Variants in KDM4B observed in about 807,000 individuals in gnomAD.
The protein encoded by KDM4B is lysine demethylase 4B, also known as lysine-specific demethylase 4B.
In KDM4B, 32 loss-of-function variants were observed where a neutral mutation model predicts 125.2. The observed-to-expected ratio is 0.26, with a 90% CI of 0.19 to 0.34. The LOEUF is 0.34. Ranked by LOEUF, KDM4B falls within the 10% of genes least tolerant of loss-of-function variation. The pLI is 1.00. For missense variants in KDM4B, 1,190 were observed against 1,577.7 expected, an observed-to-expected ratio of 0.75 and a Z score of 4.16; for synonymous variants, 721 against 677.9, an observed-to-expected ratio of 1.06 and a Z score of -0.99.
chr19:5,031,346 A>ACACACACT (rs2036449226), intron 2 of KDM4B, among the ~76,000 whole-genome samples: 1 of 152,218 alleles, frequency 6.6e-6, no homozygotes, highest in South Asian at 2.1e-4. Context: ...CCTTGCCTTG[A>ACACACACT]CACACACTGT....
At position 5,039,925 on chromosome 19, in the gene KDM4B, G is replaced by A. The variant is rs372914632; in HGVS notation, c.231G>A (p.Thr77=). 70 of 1,612,894 alleles carry A rather than the reference G, an allele frequency of 4.3e-5. No individual in the cohort carries two copies. The highest frequency in any genetic ancestry group is 3.6e-4 in the South Asian group (33 of 91,092). Residue 77 remains threonine, a synonymous_variant, in exon 4 of 23, where the codon ACG becomes ACA. Coordinates refer to ENST00000159111, the MANE Select transcript of KDM4B (RefSeq NM_015015.3). The part of the protein sequence containing the change: ...VIPAPIQQVV[T]GQSGLFTQYN... ...CGGCGCCCATCCAGCAGGTGGTGAC[G>A]GGCCAGTCGGGCCTCTTCACGCAGT...
At chr19:5,086,195 C>T (rs1275070462) in intron 9 of KDM4B, among the ~76,000 whole-genome samples, 1 of 151,918 alleles carries the variant, frequency 6.6e-6, no homozygotes, top group Non-Finnish European at 1.5e-5. Flanking sequence ...GACCCCTGCC[C>T]CCCCCCACCC....
chr19:5,042,633 G>A (rs1274509474), intron 5 of KDM4B, among the ~76,000 whole-genome samples: 2 of 151,846 alleles, frequency 1.3e-5, no homozygotes, highest in Non-Finnish European at 2.9e-5. Context: ...TAGAGTCGTG[G>A]CAAAGGTGAA....
intron 1 of KDM4B, among the ~76,000 whole-genome samples, chr19:4,993,537 A>T (rs942916721): frequency 3.3e-5 from 5 of 151,416 alleles, no homozygotes; most frequent in Non-Finnish European, 5.9e-5. Context: ...ATATATGTTT[A>T]TAATTGCTGT....
At chr19:5,055,093 A>G (rs1403021867) in intron 6 of KDM4B, among the ~76,000 whole-genome samples, 1 of 152,252 alleles carries the variant, frequency 6.6e-6, no homozygotes, top group Non-Finnish European at 1.5e-5. Flanking sequence ...GGCTGGCCTG[A>G]TCAGCCTCCT....
chr19:4,978,698 C>T (rs1282968179), intron 1 of KDM4B, among the ~76,000 whole-genome samples: 1 of 152,116 alleles, frequency 6.6e-6, no homozygotes. Context: ...TTCATCAAAA[C>T]AGCTCCTGTG....
rs766424597 is a variant in KDM4B at position 5,047,613 on chromosome 19, C to T, written c.570C>T (p.Thr190=). The T allele has an allele frequency of 8.1e-6, 13 of 1,613,898 alleles. No homozygotes were observed. The highest frequency in any genetic ancestry group is 4.0e-5 in the African/African-American group (3 of 74,928). The part of the protein sequence containing the change: ...GMWKTTFAWH[T]EDMDLYSINY... Reference sequence around the variant, plus strand: ...GGAAGACCACCTTCGCCTGGCACACCGAGGACATGGACCTGTACAGCATCA... The same window carrying T: ...GGAAGACCACCTTCGCCTGGCACACTGAGGACATGGACCTGTACAGCATCA... The change falls in exon 6 of 23, where the codon ACC becomes ACT. Residue 190 remains threonine (T), a synonymous_variant. Coordinates refer to ENST00000159111, the MANE Select transcript of KDM4B (RefSeq NM_015015.3).
chr19:5,038,105 C>T (rs1279711005), intron 3 of KDM4B, among the ~76,000 whole-genome samples: 1 of 152,252 alleles, frequency 6.6e-6, no homozygotes, highest in Non-Finnish European at 1.5e-5. Flanking sequence ...TTGCCAGATT[C>T]CTGGCAGATG....
chr19:5,150,706 G>A (rs1025911173), intron 22 of KDM4B, among the ~76,000 whole-genome samples: 8 of 152,208 alleles, frequency 5.3e-5, no homozygotes, highest in Non-Finnish European at 7.4e-5. Context: ...GAGAAGCCCC[G>A]CCCCTCCCCT....
At chr19:4,988,582 C>T (rs197145) in intron 1 of KDM4B, among the ~76,000 whole-genome samples, 44,648 of 152,036 alleles carry the variant, frequency 0.29, 7,261 homozygotes, top group East Asian at 0.69. Flanking sequence ...GCCTCATGAA[C>T]CCTTCTTTGA....
intron 15 of KDM4B, among the ~76,000 whole-genome samples, 191 bp from the exon 16 acceptor site, chr19:5,137,071 C>T (rs1380955937): frequency 3.3e-5 from 5 of 152,222 alleles, no homozygotes; most frequent in Admixed American, 2.0e-4. Context: ...GCTCCACATG[C>T]AGTGGCCTGG....
chr19:4,973,064 C>T lies in KDM4B; in HGVS notation c.-109+3834C>T, dbSNP rs550392158. ...ACCCTCCCAGTCACCATAGCCCTGACCTGTCGATTTGCCAGACAGTTTTCT... is the reference window on the plus strand; with the variant it reads ...ACCCTCCCAGTCACCATAGCCCTGATCTGTCGATTTGCCAGACAGTTTTCT... On this transcript the variant is annotated intron_variant, in intron 1 of 22. Coordinates refer to ENST00000159111, the MANE Select transcript of KDM4B (RefSeq NM_015015.3). Among the ~76,000 whole-genome samples the T allele has an allele frequency of 3.0e-3, 464 of 152,350 alleles. 2 individuals carry two copies. The highest frequency in any genetic ancestry group is 4.8e-3 in the Non-Finnish European group (326 of 68,032).
intron 9 of KDM4B, among the ~76,000 whole-genome samples, chr19:5,085,085 C>T (rs2038447701): frequency 6.6e-6 from 1 of 152,166 alleles, no homozygotes; most frequent in African/African-American, 2.4e-5. Flanking sequence ...CTCCTGGCCA[C>T]GCCGGTCTGG....
chr19:5,143,834 C>T (rs2039788574), intron 18 of KDM4B, 133 bp from the exon 19 acceptor site: 1 of 716,330 alleles, frequency 1.4e-6, no homozygotes, highest in African/African-American at 1.8e-5. Flanking sequence ...GAGGGGAACC[C>T]TCACTGGGCA....
chr19:5,059,822 C>T (rs985420846), intron 6 of KDM4B, among the ~76,000 whole-genome samples: 1 of 152,226 alleles, frequency 6.6e-6, no homozygotes. Context: ...ATGGGAGCCT[C>T]CACAGCCTGC....
chr19:5,114,371 T>C lies in KDM4B; in HGVS notation c.1115+3553T>C. 1 of 608,634 alleles carries C rather than the reference T, an allele frequency of 1.6e-6. No individual in the cohort carries two copies. Among genetic ancestry groups the C allele is most frequent in the Non-Finnish European group, 2.7e-6 (1 of 366,798 alleles). The allele number at this position is 608,634 out of a possible 1,614,324, so 37.7% of individuals were successfully genotyped here. The stretch of plus-strand genomic sequence containing the variant: ...TGTCCCCTCCTGCTCTGCCTTGGCC[T>C]GTCGCCCCTGCGCCAGTGCAGGACA... On this transcript the variant is annotated intron_variant, in intron 10 of 22. Coordinates refer to ENST00000159111, the MANE Select transcript of KDM4B (RefSeq NM_015015.3). The surrounding 1 kb of genome is among the most constrained non-coding windows in gnomAD (Gnocchi z 5.8).
intron 9 of KDM4B, among the ~76,000 whole-genome samples, chr19:5,091,321 T>G (rs999562): frequency 0.63 from 95,358 of 152,046 alleles, 30,190 homozygotes; most frequent in East Asian, 0.93. Context: ...GGGGAGCCAC[T>G]CACGCTCTCT....
chr19:5,089,833 T>C (rs1599596683), intron 9 of KDM4B, among the ~76,000 whole-genome samples: 1 of 152,080 alleles, frequency 6.6e-6, no homozygotes, highest in East Asian at 1.9e-4. Context: ...GAAAAGGTTT[T>C]TGTTGTTGTT....
At chr19:5,108,529 G>C (rs897070411) in intron 9 of KDM4B, among the ~76,000 whole-genome samples, 1 of 152,158 alleles carries the variant, frequency 6.6e-6, no homozygotes, top group Non-Finnish European at 1.5e-5. Context: ...GAAGGTTTCC[G>C]TCGTCCCCAA....
Sources: gnomAD v4.1 joint callset for allele counts (sites outside exome capture counted in the v4.1 genomes callset) on GRCh38, gnomAD v4.1.1 for gene constraint, Gnocchi (gnomAD v3.1) non-coding constraint, MANE v1.5 for transcripts, NCBI Gene and HGNC (gene_info 2026-07-23, HGNC 2026-07-21) for gene names.